Variants in XKR6 observed in about 807,000 individuals in gnomAD.
XKR6 encodes the protein XK-related protein 6.
A neutral mutation model predicts 56.7 loss-of-function variants in XKR6; 22 were observed. The ratio of observed to expected loss-of-function variants is 0.39; its 90% CI spans 0.28 to 0.55. The LOEUF is 0.55. Ranked by LOEUF, XKR6 falls within the 20% of genes least tolerant of loss-of-function variation. The pLI, the probability that XKR6 is intolerant of heterozygous loss-of-function variation, is 0.66. For synonymous variants in XKR6, 524 were observed against 387.8 expected (o/e 1.35, Z -4.13); for missense variants, 852 against 889.0 (o/e 0.96, Z 0.53).
At chr8:11,150,852 C>CAAAA (rs546547767) in intron 1 of XKR6, among the ~76,000 whole-genome samples, 14 of 90,272 alleles carry the variant, frequency 1.6e-4, no homozygotes, top group South Asian at 8.2e-4. Context: ...GACTCCATCT[C>CAAAA]AAAAAAAAAA....
At chr8:10,942,143 C>A (rs1801402269) in intron 1 of XKR6, among the ~76,000 whole-genome samples, 1 of 152,152 alleles carries the variant, frequency 6.6e-6, no homozygotes. Context: ...CACACACCTC[C>A]CACATGAACA....
chr8:10,983,271 A>G (rs1288245809), intron 1 of XKR6, among the ~76,000 whole-genome samples: 1 of 152,184 alleles, frequency 6.6e-6, no homozygotes, highest in Non-Finnish European at 1.5e-5. Flanking sequence ...ATAAATCATT[A>G]GTTAACATCA....
chr8:11,104,165 C>T (rs192380259), intron 1 of XKR6, among the ~76,000 whole-genome samples: 22 of 152,294 alleles, frequency 1.4e-4, no homozygotes, highest in East Asian at 9.6e-4. Flanking sequence ...CTTAATGTAG[C>T]GTATGGCAAG....
chr8:11,136,280 C>G (rs1035415843), intron 1 of XKR6, among the ~76,000 whole-genome samples: 4 of 152,188 alleles, frequency 2.6e-5, no homozygotes, highest in African/African-American at 9.7e-5. Flanking sequence ...TCTGGGAGGC[C>G]AAGGTGGGCA....
At chr8:10,917,237 T>G (rs1396110050) in intron 2 of XKR6, among the ~76,000 whole-genome samples, 1 of 152,138 alleles carries the variant, frequency 6.6e-6, no homozygotes, top group Non-Finnish European at 1.5e-5. Flanking sequence ...TATAGGAGGC[T>G]TTTCTAATTA....
intron 1 of XKR6, among the ~76,000 whole-genome samples, chr8:11,003,858 G>T (rs763994417): frequency 5.3e-5 from 8 of 152,220 alleles, no homozygotes; most frequent in Non-Finnish European, 1.2e-4. Context: ...AGAGCAAAAG[G>T]TTCCCAAGGG....
At chr8:10,944,326 A>G (rs1468677067) in intron 1 of XKR6, among the ~76,000 whole-genome samples, 1 of 152,208 alleles carries the variant, frequency 6.6e-6, no homozygotes, top group Admixed American at 6.5e-5. Flanking sequence ...GAACTTAGTG[A>G]CCAGCACAGC....
chr8:10,980,813 T>C (rs1176527047), intron 1 of XKR6, among the ~76,000 whole-genome samples: 1 of 152,198 alleles, frequency 6.6e-6, no homozygotes, highest in African/African-American at 2.4e-5. Context: ...TATCTATTCC[T>C]GTTGCATGGA....
chr8:10,912,837 G>C (rs193191100), intron 2 of XKR6, among the ~76,000 whole-genome samples: 1 of 143,250 alleles, frequency 7.0e-6, no homozygotes, highest in Non-Finnish European at 1.5e-5. Context: ...TATATATATA[G>C]AGAGAGAAAG....
At chr8:10,927,737 A>G (rs1158107602) in intron 1 of XKR6, among the ~76,000 whole-genome samples, 2 of 152,114 alleles carry the variant, frequency 1.3e-5, no homozygotes, top group East Asian at 3.9e-4. Flanking sequence ...TGCCAGGAGG[A>G]GCCAATCTTG....
chr8:11,131,441 TAAAG>T (rs1438161695), intron 1 of XKR6, among the ~76,000 whole-genome samples: 2 of 152,176 alleles, frequency 1.3e-5, no homozygotes, highest in Non-Finnish European at 2.9e-5. Context: ...TTTATGATGT[TAAAG>T]AAGAAAATTC....
At chr8:11,145,484 G>A (rs961719432) in intron 1 of XKR6, among the ~76,000 whole-genome samples, 15 of 151,918 alleles carry the variant, frequency 9.9e-5, no homozygotes. Context: ...TCCCATAGCC[G>A]CTACCAAAAA....
intron 1 of XKR6, 117 bp from the exon 2 acceptor site, chr8:10,924,947 GA>G: frequency 8.8e-7 from 1 of 1,132,054 alleles, no homozygotes; most frequent in Non-Finnish European, 1.2e-6. Context: ...CCTATGCTCT[GA>G]AGTTCCCAGA....
intron 1 of XKR6, among the ~76,000 whole-genome samples, chr8:11,123,129 C>T (rs1234834987): frequency 6.6e-6 from 1 of 150,996 alleles, no homozygotes; most frequent in Admixed American, 6.6e-5. Context: ...GCCAGCTACT[C>T]GGGAGGCTGA....
chr8:11,116,783 C>G (rs912152710), intron 1 of XKR6, among the ~76,000 whole-genome samples: 2 of 152,190 alleles, frequency 1.3e-5, no homozygotes, highest in African/African-American at 4.8e-5. Context: ...ACAGTCACAG[C>G]TGCCATTTCC....
intron 1 of XKR6, among the ~76,000 whole-genome samples, chr8:11,079,847 G>C (rs970830621): frequency 6.6e-6 from 1 of 152,060 alleles, no homozygotes; most frequent in African/African-American, 2.4e-5. Flanking sequence ...TGCACCTGTA[G>C]ACCCAGCCAC....
At chr8:11,087,753 C>G (rs962568591) in intron 1 of XKR6, among the ~76,000 whole-genome samples, 3 of 152,286 alleles carry the variant, frequency 2.0e-5, no homozygotes, top group African/African-American at 7.2e-5. Flanking sequence ...TGGGGAGAGC[C>G]CAACCCATTC....
At chr8:10,968,633 C>G (rs768846462) in intron 1 of XKR6, among the ~76,000 whole-genome samples, 16 of 152,382 alleles carry the variant, frequency 1.0e-4, no homozygotes, top group South Asian at 2.1e-4. Flanking sequence ...GTATTACCTT[C>G]TCCCCAGTTG....
At chr8:11,066,562 CA>C (rs1237500638) in intron 1 of XKR6, among the ~76,000 whole-genome samples, 1 of 152,112 alleles carries the variant, frequency 6.6e-6, no homozygotes, top group Admixed American at 6.5e-5. Flanking sequence ...CAGGCTGACT[CA>C]AAGTCAGCAA....
Sources: gnomAD v4.1 joint callset for allele counts (sites outside exome capture counted in the v4.1 genomes callset) on GRCh38, gnomAD v4.1.1 for gene constraint, MANE v1.5 for transcripts, NCBI Gene and HGNC (gene_info 2026-07-23, HGNC 2026-07-21) for gene names.